KHDRBS2: variants seen among roughly 807,000 people sequenced by gnomAD.
The protein encoded by KHDRBS2 is KH domain-containing, RNA-binding, signal transduction-associated protein 2.
Under a neutral mutation model 44.3 loss-of-function variants are expected in KHDRBS2, and 26 were observed. The ratio of observed to expected loss-of-function variants is 0.59; its 90% CI spans 0.43 to 0.81. KHDRBS2 has a LOEUF of 0.81. Among genes scored for constraint, KHDRBS2 ranks in the 40% least tolerant of loss-of-function variants. KHDRBS2 has a pLI of 0.00. For missense variants in KHDRBS2, 476 were observed against 433.1 expected (o/e 1.10, Z -0.88); for synonymous variants, 194 against 151.1 (o/e 1.28, Z -2.08).
At chr6:61,697,465 T>G (rs1043094984) in intron 7 of KHDRBS2, among the ~76,000 whole-genome samples, 1 of 152,060 alleles carries the variant, frequency 6.6e-6, no homozygotes, top group Non-Finnish European at 1.5e-5. Context: ...CAGTATTTCT[T>G]TCTCTCTATC....
At chr6:61,614,339 C>G in the KHDRBS2 span, among the ~76,000 whole-genome samples, 4 of 151,990 alleles carry the variant, frequency 2.6e-5, no homozygotes, top group Admixed American at 1.3e-4. Flanking sequence ...AGTTCACCTG[C>G]CATGATGATT....
intron 6 of KHDRBS2, among the ~76,000 whole-genome samples, chr6:61,777,271 C>A (rs916525983): frequency 2.0e-5 from 3 of 151,658 alleles, no homozygotes; most frequent in Non-Finnish European, 2.9e-5. Flanking sequence ...ACATGTACCC[C>A]AAAACTTAAA....
At chr6:62,256,418 A>G in intron 1 of KHDRBS2, among the ~76,000 whole-genome samples, 1 of 151,914 alleles carries the variant, frequency 6.6e-6, no homozygotes, top group Non-Finnish European at 1.5e-5. Flanking sequence ...ATGGGGGGTG[A>G]GTCTTTCCCT....
the KHDRBS2 span, among the ~76,000 whole-genome samples, chr6:61,670,601 T>G: frequency 6.6e-6 from 1 of 151,504 alleles, no homozygotes; most frequent in African/African-American, 2.4e-5. Context: ...AAAACTGCCT[T>G]CATTCCAGTC....
rs1562490647 is a variant in KHDRBS2 at position 61,945,121 on chromosome 6, A to ATG, written c.483+32944_483+32945insCA. 1.3e-3 allele frequency among the ~76,000 whole-genome samples: 89 copies of ATG among 68,714 alleles called. 4 individuals are homozygous for ATG. The highest frequency in any genetic ancestry group is 6.3e-3 in the Middle Eastern group (1 of 160). The allele number at this position is 68,714 out of a possible 152,430, so 45.1% of individuals were successfully genotyped here. On this transcript the variant is annotated intron_variant, in intron 4 of 8. Transcript: ENST00000281156. The stretch of plus-strand genomic sequence containing the variant: ...AAAAAAAAAAAAAAAAAGTATATAT[A>ATG]TATATATATATATATATATATATAT...
the KHDRBS2 span, among the ~76,000 whole-genome samples, chr6:61,583,415 G>A: frequency 4.0e-5 from 6 of 151,758 alleles, no homozygotes; most frequent in African/African-American, 9.7e-5. Flanking sequence ...GGGCCAATAT[G>A]AATAAAGCTA....
chr6:62,086,435 A>C (rs1243881206), intron 2 of KHDRBS2, among the ~76,000 whole-genome samples: 2 of 152,160 alleles, frequency 1.3e-5, no homozygotes, highest in African/African-American at 4.8e-5. Flanking sequence ...GTATAGTGGA[A>C]ATTTAGAAAT....
intron 6 of KHDRBS2, among the ~76,000 whole-genome samples, chr6:61,892,058 A>G (rs1227321013): frequency 4.6e-5 from 7 of 152,182 alleles, no homozygotes; most frequent in African/African-American, 1.7e-4. Flanking sequence ...CAAAGTCTCA[A>G]GATACAAAAT....
chr6:61,558,815 A>G, the KHDRBS2 span, among the ~76,000 whole-genome samples: 4,178 of 152,246 alleles, frequency 0.027, 89 homozygotes, highest in Non-Finnish European at 0.044. Context: ...GAATTGTTTA[A>G]GGCTTGGTTT....
intron 1 of KHDRBS2, among the ~76,000 whole-genome samples, chr6:62,203,890 G>C (rs1827486661): frequency 6.6e-6 from 1 of 152,116 alleles, no homozygotes; most frequent in Non-Finnish European, 1.5e-5. Flanking sequence ...TTGGATTATG[G>C]GGGCAGAGGT....
chr6:62,055,260 TAATA>T (rs1375864252), intron 2 of KHDRBS2, among the ~76,000 whole-genome samples: 4 of 151,896 alleles, frequency 2.6e-5, no homozygotes, highest in Non-Finnish European at 5.9e-5. Flanking sequence ...AAAAAAGACT[TAATA>T]GATAAAGGAT....
At chr6:62,189,040 G>A (rs533106787) in intron 1 of KHDRBS2, among the ~76,000 whole-genome samples, 166 of 152,102 alleles carry the variant, frequency 1.1e-3, no homozygotes, top group Middle Eastern at 3.4e-3. Context: ...GCTTGAACAC[G>A]GGAGGTGGAG....
intron 1 of KHDRBS2, among the ~76,000 whole-genome samples, chr6:62,240,670 G>GTATATATATA (rs1293352466): frequency 4.8e-5 from 3 of 62,510 alleles, no homozygotes; most frequent in African/African-American, 1.6e-4. Context: ...GTATGTGTGT[G>GTATATATATA]TGTATATATA....
At chr6:62,093,459 C>A (rs1799868343) in intron 2 of KHDRBS2, among the ~76,000 whole-genome samples, 1 of 151,798 alleles carries the variant, frequency 6.6e-6, no homozygotes, top group Admixed American at 6.6e-5. Context: ...ATGTCCATCA[C>A]CTTAAACATT....
intron 2 of KHDRBS2, among the ~76,000 whole-genome samples, chr6:62,081,007 TTTC>T (rs1797288405): frequency 6.6e-6 from 1 of 152,162 alleles, no homozygotes; most frequent in African/African-American, 2.4e-5. Flanking sequence ...CACATCATCA[TTTC>T]TTATTAGCTT....
At chr6:61,993,897 A>G (rs1401749395) in intron 3 of KHDRBS2, among the ~76,000 whole-genome samples, 3 of 151,970 alleles carry the variant, frequency 2.0e-5, no homozygotes, top group African/African-American at 4.8e-5. Flanking sequence ...ATACCAGACT[A>G]AACTTTAGGA....
intron 1 of KHDRBS2, among the ~76,000 whole-genome samples, chr6:62,248,992 A>G (rs1199853174): frequency 6.6e-6 from 1 of 152,150 alleles, no homozygotes; most frequent in Non-Finnish European, 1.5e-5. Flanking sequence ...TTTTGGATAA[A>G]TAATTCTTTA....
chr6:61,753,396 C>A (rs958274937), intron 6 of KHDRBS2, among the ~76,000 whole-genome samples: 1 of 151,858 alleles, frequency 6.6e-6, no homozygotes, highest in Non-Finnish European at 1.5e-5. Context: ...GGTACCCCCA[C>A]CCCCCCAAAC....
At chr6:62,060,981 G>C (rs1454333411) in intron 2 of KHDRBS2, among the ~76,000 whole-genome samples, 3 of 151,818 alleles carry the variant, frequency 2.0e-5, no homozygotes, top group Non-Finnish European at 4.4e-5. Flanking sequence ...TTTTATCAGA[G>C]ACTAGGATTG....
Sources: gnomAD v4.1 joint callset for allele counts (sites outside exome capture counted in the v4.1 genomes callset) on GRCh38, gnomAD v4.1.1 for gene constraint, MANE v1.5 for transcripts, NCBI Gene and HGNC (gene_info 2026-07-23, HGNC 2026-07-21) for gene names.